The following CHD9 variants were observed in gnomAD, a reference collection of about 807,000 sequenced individuals.
CHD9 encodes ATP-dependent chromatin remodeler CHD9.
CHD9 carries 77 observed loss-of-function variants against 316.1 expected under a neutral mutation model. That is an observed-to-expected ratio of 0.24 (90% CI 0.20 to 0.29). The LOEUF is 0.29. Among genes scored for constraint, CHD9 ranks in the 10% least tolerant of loss-of-function variants. The probability of loss-of-function intolerance (pLI) is 1.00; values close to 1 mark genes in which losing one functional copy is unlikely to be tolerated. For missense variants in CHD9, 2,763 were observed against 3,438.1 expected, an observed-to-expected ratio of 0.80 and a Z score of 4.91; for synonymous variants, 1,129 against 1,158.3, an observed-to-expected ratio of 0.97 and a Z score of 0.51.
intron 6 of CHD9, 24 bp from the exon 7 acceptor site, chr16:53,227,524 C>T: frequency 1.4e-6 from 2 of 1,475,180 alleles, no homozygotes; most frequent in East Asian, 2.5e-5. Flanking sequence ...AAAAGAGTCA[C>T]CATTACTGAT....
At chr16:53,220,844 T>A (rs1169678995) in intron 3 of CHD9, among the ~76,000 whole-genome samples, 1 of 152,210 alleles carries the variant, frequency 6.6e-6, no homozygotes, top group Admixed American at 6.5e-5. Context: ...CATGTTCTCC[T>A]CACTCTTCTG....
intron 1 of CHD9, chr16:53,099,233 G>A (rs2036631490): frequency 6.6e-6 from 1 of 152,306 alleles, no homozygotes; most frequent in Non-Finnish European, 1.5e-5. Context: ...CCCTTGAAAG[G>A]AGGCCCCTGC....
chr16:53,162,735 TA>T (rs1185974282), intron 2 of CHD9, among the ~76,000 whole-genome samples: 1 of 151,490 alleles, frequency 6.6e-6, no homozygotes, highest in African/African-American at 2.4e-5. Context: ...CTTATAAACT[TA>T]AAAAAAACTT....
At chr16:53,096,561 G>T (rs1481519163) in intron 1 of CHD9, among the ~76,000 whole-genome samples, 1 of 152,076 alleles carries the variant, frequency 6.6e-6, no homozygotes, top group Non-Finnish European at 1.5e-5. Context: ...GTCTCTCCCA[G>T]AATCACACAA....
At chr16:53,254,379 G>GT in intron 17 of CHD9, 59 bp from the exon 18 acceptor site, 1 of 1,300,256 alleles carries the variant, frequency 7.7e-7, no homozygotes. Context: ...CATACATATA[G>GT]TTTACTATTA....
chr16:53,292,390 A>T lies in CHD9; in HGVS notation c.5291-443A>T, dbSNP rs1343729595. ...GTGGATAAAACTTAAAAGTTACATC[A>T]TTGTCATCTTGAACTTCGAAAATGT... On this transcript the variant is annotated intron_variant, in intron 28 of 38. Coordinates refer to ENST00000447540, the MANE Select transcript of CHD9 (RefSeq NM_001308319.2). 2.6e-5 allele frequency among the ~76,000 whole-genome samples: 4 copies of T among 152,246 alleles called. No homozygotes were observed. The South Asian group carries it at 8.3e-4, about 31-fold the overall frequency.
At position 53,243,152 on chromosome 16, in the gene CHD9, A is replaced by AT. The variant is rs893473907; in HGVS notation, c.3054+142dup. On this transcript the variant is annotated intron_variant, in intron 13 of 38. Transcript: ENST00000447540. ...CTGAATCTTATCTGTGATAATTGAGATTTTTTGGGGGGCCTTAATTTGTAA... is the reference window on the plus strand; with the variant it reads ...CTGAATCTTATCTGTGATAATTGAGATTTTTTTGGGGGGCCTTAATTTGTAA... The AT allele has an allele frequency of 5.3e-5, 30 of 571,138 alleles. No individual in the cohort carries two copies. The East Asian group carries it at 8.4e-4, about 16-fold the overall frequency. The allele number at this position is 571,138 out of a possible 1,614,324, so 35.4% of individuals were successfully genotyped here. A position where few individuals can be genotyped will look rare whatever the true frequency, so the allele number is the denominator to read the frequency against.
chr16:53,121,764 A>C (rs2038749752), intron 1 of CHD9: 1 of 161,616 alleles, frequency 6.2e-6, no homozygotes, highest in Non-Finnish European at 1.4e-5. Context: ...CAAGAGCCTG[A>C]AAAAGAAGTC....
chr16:53,290,723 AGGTGT>A (rs1309691156), intron 27 of CHD9, among the ~76,000 whole-genome samples: 1 of 152,168 alleles, frequency 6.6e-6, no homozygotes, highest in Non-Finnish European at 1.5e-5. Flanking sequence ...GGCTGCAGTG[AGGTGT>A]GTTCACGCCA....
At chr16:53,182,006 GA>G in intron 2 of CHD9, among the ~76,000 whole-genome samples, 1 of 152,148 alleles carries the variant, frequency 6.6e-6, no homozygotes, top group East Asian at 1.9e-4. Context: ...TTGAACCTGG[GA>G]GACAGAGGTT....
intron 2 of CHD9, among the ~76,000 whole-genome samples, chr16:53,189,769 T>A (rs1352510715): frequency 6.6e-6 from 1 of 152,144 alleles, no homozygotes; most frequent in African/African-American, 2.4e-5. Flanking sequence ...TTAGTGCATT[T>A]GTAGACTGTG....
intron 2 of CHD9, among the ~76,000 whole-genome samples, chr16:53,165,324 G>A (rs1177575103): frequency 1.3e-5 from 2 of 152,128 alleles, no homozygotes; most frequent in African/African-American, 4.8e-5. Context: ...ATTACAAAAG[G>A]TGAAGAAAGG....
chr16:53,319,905 T>C, intron 37 of CHD9: 1 of 1,002,712 alleles, frequency 1.0e-6, no homozygotes, highest in Non-Finnish European at 1.3e-6. Context: ...AGAAGCTTAA[T>C]GAAGGAGATA....
chr16:53,107,543 C>T (rs550093818), intron 1 of CHD9, among the ~76,000 whole-genome samples: 69 of 150,402 alleles, frequency 4.6e-4, no homozygotes, highest in African/African-American at 1.5e-3. Context: ...TTTAGCCAGG[C>T]GTGGTGGCAC....
Position 53,268,014 on chromosome 16 carries a change from C to G in CHD9, c.4605C>G (p.Leu1535=). The G allele has an allele frequency of 6.2e-7, 1 of 1,613,594 alleles. No homozygotes were observed. Among genetic ancestry groups the G allele is most frequent in the Non-Finnish European group, 8.5e-7 (1 of 1,179,698 alleles). Residue 1535 remains leucine (L), a synonymous_variant, in exon 22 of 39, where the codon CTC becomes CTG. Coordinates refer to ENST00000447540, the MANE Select transcript of CHD9 (RefSeq NM_001308319.2). ...EHDVEIICRA[L]LAYCLVHYRG... Reference sequence around the variant, plus strand: ...ATGTAGAGATAATTTGCCGAGCTCTCTTAGCATATTGCCTTGTTCACTACC... The same window carrying G: ...ATGTAGAGATAATTTGCCGAGCTCTGTTAGCATATTGCCTTGTTCACTACC...
chr16:53,279,505 TATAATA>T (rs921138601), intron 24 of CHD9, among the ~76,000 whole-genome samples: 4 of 152,128 alleles, frequency 2.6e-5, no homozygotes, highest in African/African-American at 9.7e-5. Context: ...GAACTTGAAG[TATAATA>T]ATAAAAATCA....
intron 34 of CHD9, among the ~76,000 whole-genome samples, 173 bp downstream of exon 34, chr16:53,309,027 A>G (rs904992041): frequency 2.0e-5 from 3 of 152,212 alleles, no homozygotes; most frequent in African/African-American, 7.2e-5. Context: ...AACTTTTAAC[A>G]TGACATTTTA....
chr16:53,114,723 G>T (rs1166194482), intron 1 of CHD9, among the ~76,000 whole-genome samples: 2 of 152,182 alleles, frequency 1.3e-5, no homozygotes, highest in Non-Finnish European at 2.9e-5. Flanking sequence ...GAGTAGCTGG[G>T]ACTACAGGCG....
chr16:53,222,120 A>T (rs1253264934), intron 3 of CHD9, among the ~76,000 whole-genome samples: 4 of 151,786 alleles, frequency 2.6e-5, no homozygotes, highest in Non-Finnish European at 4.4e-5. Context: ...TCTTGTTGCC[A>T]GGCTGGAGTG....
Sources: gnomAD v4.1 joint callset for allele counts (sites outside exome capture counted in the v4.1 genomes callset) on GRCh38, gnomAD v4.1.1 for gene constraint, MANE v1.5 for transcripts, NCBI Gene and HGNC (gene_info 2026-07-23, HGNC 2026-07-21) for gene names.